MCHR2: variants seen among roughly 807,000 people sequenced by gnomAD.
MCHR2 encodes the protein melanin concentrating hormone receptor 2, also known as melanin-concentrating hormone receptor 2.
MCHR2 carries 15 observed loss-of-function variants against 24.8 expected under a neutral mutation model. The ratio of observed to expected loss-of-function variants is 0.60; its 90% confidence interval spans 0.40 to 0.93. MCHR2 has a LOEUF of 0.93. Among genes scored for constraint, MCHR2 ranks in the 40% least tolerant of loss-of-function variants. MCHR2 has a pLI of 0.00. For missense variants in MCHR2, 386 were observed against 408.7 expected, an observed-to-expected ratio of 0.94 and a Z score of 0.48; for synonymous variants, 151 against 147.6, an observed-to-expected ratio of 1.02 and a Z score of -0.17.
At chr6:99,980,931 C>A (rs1775657813) in intron 1 of MCHR2, among the ~76,000 whole-genome samples, 1 of 152,182 alleles carries the variant, frequency 6.6e-6, no homozygotes, top group African/African-American at 2.4e-5. Flanking sequence ...ATTTCTGCTG[C>A]AGGTTTTATG....
chr6:99,986,257 G>T (rs1775765899), intron 1 of MCHR2, among the ~76,000 whole-genome samples: 1 of 152,078 alleles, frequency 6.6e-6, no homozygotes, highest in Non-Finnish European at 1.5e-5. Flanking sequence ...ACAGAAAACA[G>T]TACGAAGATT....
intron 1 of MCHR2, among the ~76,000 whole-genome samples, chr6:99,974,268 C>G (rs1256127839): frequency 6.6e-6 from 1 of 151,876 alleles, no homozygotes; most frequent in Non-Finnish European, 1.5e-5. Flanking sequence ...TCTTTTTATT[C>G]TTTTTTCTCC....
chr6:99,958,428 G>A (rs1775112121), intron 1 of MCHR2, among the ~76,000 whole-genome samples: 1 of 151,638 alleles, frequency 6.6e-6, no homozygotes, highest in Non-Finnish European at 1.5e-5. Context: ...AAAAACAAAT[G>A]TAAAAGGCTT....
At chr6:99,949,768 A>G (rs1774933086) in intron 2 of MCHR2, among the ~76,000 whole-genome samples, 1 of 152,082 alleles carries the variant, frequency 6.6e-6, no homozygotes, top group South Asian at 2.1e-4. Context: ...GAGAGGAGAC[A>G]TGAAGAAAAG....
At chr6:99,925,304 T>A (rs1774327320) in intron 5 of MCHR2, among the ~76,000 whole-genome samples, 1 of 152,118 alleles carries the variant, frequency 6.6e-6, no homozygotes, top group Non-Finnish European at 1.5e-5. Flanking sequence ...TTGAAGTGTG[T>A]TTCTTGAAGG....
chr6:99,967,676 G>A (rs9376618), intron 1 of MCHR2, among the ~76,000 whole-genome samples: 1 of 151,900 alleles, frequency 6.6e-6, no homozygotes, highest in Non-Finnish European at 1.5e-5. Context: ...ACTGAAGACA[G>A]TTCAATAGCC....
chr6:99,927,425 G>T (rs1582368466), intron 5 of MCHR2, among the ~76,000 whole-genome samples: 1 of 152,114 alleles, frequency 6.6e-6, no homozygotes, highest in Non-Finnish European at 1.5e-5. Context: ...ATTACCTTGG[G>T]CAGTTTGGCC....
intron 2 of MCHR2, among the ~76,000 whole-genome samples, chr6:99,951,581 C>A (rs555534537): frequency 5.9e-5 from 9 of 152,256 alleles, no homozygotes; most frequent in African/African-American, 1.7e-4. Context: ...GCCAACTGGA[C>A]CACAGCTCAT....
At chr6:99,966,136 A>G (rs1417248120) in intron 1 of MCHR2, among the ~76,000 whole-genome samples, 1 of 152,138 alleles carries the variant, frequency 6.6e-6, no homozygotes, top group Non-Finnish European at 1.5e-5. Context: ...GGAAGATGGG[A>G]GCTTCAAAGA....
intron 5 of MCHR2, among the ~76,000 whole-genome samples, chr6:99,927,988 C>G (rs1774408473): frequency 6.6e-6 from 1 of 152,106 alleles, no homozygotes. Context: ...ATAGATAGCT[C>G]TTATGATTTT....
intron 5 of MCHR2, among the ~76,000 whole-genome samples, chr6:99,922,557 A>AT (rs1268584548): frequency 3.3e-5 from 5 of 152,084 alleles, no homozygotes; most frequent in Admixed American, 6.5e-5. Context: ...CTTTGATTTG[A>AT]TTTTTGTATA....
At chr6:99,985,969 T>C (rs982589530) in intron 1 of MCHR2, among the ~76,000 whole-genome samples, 11 of 151,612 alleles carry the variant, frequency 7.3e-5, no homozygotes, top group Non-Finnish European at 1.5e-4. Flanking sequence ...CTGAAACAAA[T>C]CAAGAGGAAA....
Position 99,943,332 on chromosome 6 carries a change from ATTTATT to A in MCHR2, c.393-195_393-190del, listed in dbSNP as rs1023176915. On this transcript the variant is annotated intron_variant, in intron 3 of 5. Coordinates refer to ENST00000281806, the MANE Select transcript of MCHR2 (RefSeq NM_001040179.2). ...TATTTATTTTTTTAAATTTTTATTT[ATTTATT>A]TTTATTATTATTATACTTTAAGTTT... Among the ~76,000 whole-genome samples the A allele has an allele frequency of 5.1e-4, 76 of 150,130 alleles. 1 individual carries two copies. Among genetic ancestry groups the A allele is most frequent in the African/African-American group, 1.8e-3 (72 of 41,074 alleles).
At position 99,921,017 on chromosome 6, in the gene MCHR2, G is replaced by T; in HGVS notation, c.946C>A (p.Arg316Ser). 1 of 1,614,120 alleles carries T rather than the reference G, an allele frequency of 6.2e-7. No homozygotes were observed. The highest frequency in any genetic ancestry group is 8.5e-7 in the Non-Finnish European group (1 of 1,180,010). ...GCTCTTCTTTGGATTTGAGGCAGAC[G>T]TTTCTGGAAATTTCCACTCAGCAGG... ...YILLSGNFQK[R>S]LPQIQRRATE... is the part of the protein sequence containing the mutation. Residue 316 changes from arginine to serine, a missense_variant, in exon 6 of 6, where the codon CGT becomes AGT. Arg to Ser is a moderately radical substitution (Grantham distance 110). Transcript: ENST00000281806.
At chr6:99,929,145 G>A (rs1774443243) in intron 5 of MCHR2, among the ~76,000 whole-genome samples, 1 of 152,186 alleles carries the variant, frequency 6.6e-6, no homozygotes, top group South Asian at 2.1e-4. Context: ...TAGTTGAGCA[G>A]TTTTGAGTGA....
intron 2 of MCHR2, among the ~76,000 whole-genome samples, chr6:99,948,600 TC>T (rs1433615145): frequency 1.3e-5 from 2 of 152,150 alleles, no homozygotes; most frequent in African/African-American, 4.8e-5. Context: ...TGCTCCTGAA[TC>T]CATGACCATT....
intron 1 of MCHR2, among the ~76,000 whole-genome samples, chr6:99,988,232 C>T (rs1582415892): frequency 6.6e-6 from 1 of 152,160 alleles, no homozygotes; most frequent in African/African-American, 2.4e-5. Flanking sequence ...TTCAAGATTG[C>T]TTATTTCAGT....
At chr6:99,965,113 G>C (rs971511078) in intron 1 of MCHR2, among the ~76,000 whole-genome samples, 1 of 152,018 alleles carries the variant, frequency 6.6e-6, no homozygotes, top group Admixed American at 6.6e-5. Context: ...TCTTGTCCTT[G>C]GTAGCCAGTG....
At position 99,940,630 on chromosome 6, in the gene MCHR2, C is replaced by T. The variant is rs138830082; in HGVS notation, c.587+2319G>A. Among the ~76,000 whole-genome samples the T allele has an allele frequency of 7.2e-3, 1,095 of 152,276 alleles. 14 individuals carry two copies. The highest frequency in any genetic ancestry group is 0.025 in the African/African-American group (1,056 of 41,552). On this transcript the variant is annotated intron_variant, in intron 4 of 5. Coordinates refer to ENST00000281806, the MANE Select transcript of MCHR2 (RefSeq NM_001040179.2). ...TTTGCTGTTGCTTCTTATGGATGTA[C>T]ATCTATGTCTTTGCATTAAGGATTT...
Sources: allele counts gnomAD v4.1 joint callset (sites outside exome capture counted in the v4.1 genomes callset), GRCh38; gene constraint gnomAD v4.1.1; transcripts MANE v1.5; gene names NCBI Gene and HGNC (gene_info 2026-07-23, HGNC 2026-07-21).